The following TLN2 variants were observed in gnomAD, a reference collection of about 807,000 sequenced individuals.
The protein encoded by TLN2 is talin 2.
Under a neutral mutation model 294.7 loss-of-function variants are expected in TLN2, and 118 were observed. The observed-to-expected ratio is 0.40, with a 90% CI of 0.34 to 0.47. TLN2 has a LOEUF of 0.47. TLN2 is among the 20% of genes least tolerant of loss of function. The pLI is 0.84. For missense variants in TLN2, 3,083 were observed against 3,282.2 expected, an observed-to-expected ratio of 0.94 and a Z score of 1.48; for synonymous variants, 1,431 against 1,304.5, an observed-to-expected ratio of 1.10 and a Z score of -2.09.
intron 1 of TLN2, among the ~76,000 whole-genome samples, chr15:62,520,435 A>G (rs1378392234): frequency 6.6e-6 from 1 of 152,246 alleles, no homozygotes; most frequent in African/African-American, 2.4e-5. Context: ...AGTAATGTCT[A>G]CATGTGTGTA....
intron 3 of TLN2, among the ~76,000 whole-genome samples, chr15:62,634,534 T>C (rs1290859086): frequency 6.6e-6 from 1 of 152,258 alleles, no homozygotes; most frequent in Non-Finnish European, 1.5e-5. Flanking sequence ...TCATCTCTCA[T>C]GGGGACATGT....
At chr15:62,471,691 A>G (rs934837796) in intron 1 of TLN2, among the ~76,000 whole-genome samples, 6 of 152,116 alleles carry the variant, frequency 3.9e-5, no homozygotes, top group Admixed American at 2.0e-4. Flanking sequence ...GAGTCATGCT[A>G]TGGAGGATCT....
chr15:62,465,696 G>A (rs935354390), intron 1 of TLN2, among the ~76,000 whole-genome samples: 2 of 152,214 alleles, frequency 1.3e-5, no homozygotes, highest in African/African-American at 4.8e-5. Context: ...AGATGGGGTA[G>A]TGAGCTGATT....
At chr15:62,749,616 C>T (rs2061808144) in intron 33 of TLN2, among the ~76,000 whole-genome samples, 1 of 152,170 alleles carries the variant, frequency 6.6e-6, no homozygotes, top group Non-Finnish European at 1.5e-5. Flanking sequence ...TCTCCCAGCC[C>T]CCCACCAGCC....
At chr15:62,788,306 C>T (rs1323486132) in intron 45 of TLN2, among the ~76,000 whole-genome samples, 1 of 151,942 alleles carries the variant, frequency 6.6e-6, no homozygotes, top group Non-Finnish European at 1.5e-5. Context: ...AGCGAAACTC[C>T]ATCTCAAAAA....
intron 18 of TLN2, 47 bp downstream of exon 18, chr15:62,702,247 G>A: frequency 1.3e-6 from 2 of 1,526,156 alleles, no homozygotes; most frequent in Non-Finnish European, 1.8e-6. Flanking sequence ...TGGGACAGCT[G>A]CATCCACTGG....
chr15:62,460,582 C>T (rs981981461), intron 1 of TLN2, among the ~76,000 whole-genome samples: 4 of 152,106 alleles, frequency 2.6e-5, no homozygotes, highest in Non-Finnish European at 4.4e-5. Context: ...TGGTCTTGTA[C>T]GAAGAGGCAG....
At chr15:62,713,758 G>T (rs970306973) in intron 22 of TLN2, among the ~76,000 whole-genome samples, 11 of 152,042 alleles carry the variant, frequency 7.2e-5, no homozygotes, top group African/African-American at 2.7e-4. Context: ...GTTACTTGAG[G>T]GACTGAGAGT....
intron 1 of TLN2, among the ~76,000 whole-genome samples, chr15:62,568,702 G>A (rs75749004): frequency 0.014 from 2,090 of 152,250 alleles, 45 homozygotes; most frequent in African/African-American, 0.047. Context: ...CTGCCCCTGA[G>A]CTTGTCCTTT....
chr15:62,696,138 C>G (rs968864195), intron 14 of TLN2, among the ~76,000 whole-genome samples: 3 of 152,206 alleles, frequency 2.0e-5, no homozygotes, highest in African/African-American at 7.2e-5. Flanking sequence ...CCCTAGACTG[C>G]AGTGTTTCTC....
chr15:62,500,932 G>A (rs1051429266), intron 1 of TLN2, among the ~76,000 whole-genome samples: 3 of 152,214 alleles, frequency 2.0e-5, no homozygotes, highest in African/African-American at 7.2e-5. Flanking sequence ...AGTCCCTGCA[G>A]CAACACAGTT....
chr15:62,719,051 C>T (rs1023793191), intron 24 of TLN2, among the ~76,000 whole-genome samples: 2 of 152,198 alleles, frequency 1.3e-5, no homozygotes, highest in African/African-American at 2.4e-5. Flanking sequence ...TTATCCACAA[C>T]GATGGCCACA....
At chr15:62,691,006 AAG>A (rs1420775654) in intron 12 of TLN2, among the ~76,000 whole-genome samples, 2 of 118,320 alleles carry the variant, frequency 1.7e-5, no homozygotes, top group Non-Finnish European at 3.4e-5. Flanking sequence ...AGACCGTGGA[AAG>A]AGAGGGGGAG....
At chr15:62,796,671 C>T (rs1020933850) in intron 47 of TLN2, among the ~76,000 whole-genome samples, 20 of 152,176 alleles carry the variant, frequency 1.3e-4, no homozygotes, top group African/African-American at 4.8e-4. Flanking sequence ...CTCAAAGCCC[C>T]TATCTCTGCT....
At chr15:62,577,518 G>C (rs1183469818) in intron 1 of TLN2, among the ~76,000 whole-genome samples, 1 of 152,146 alleles carries the variant, frequency 6.6e-6, no homozygotes, top group East Asian at 1.9e-4. Context: ...TCTTATATTT[G>C]AATCTGATAT....
At position 62,838,861 on chromosome 15, in the gene TLN2, A is replaced by C; in HGVS notation, c.7380A>C (p.Ala2460=). The C allele has an allele frequency of 6.2e-7, 1 of 1,609,350 alleles. No individual in the cohort carries two copies. The highest frequency in any genetic ancestry group is 8.5e-7 in the Non-Finnish European group (1 of 1,179,876). The change falls in exon 58 of 59, where the codon GCA becomes GCC. Residue 2460 remains alanine, a synonymous_variant. Coordinates refer to ENST00000636159, the MANE Select transcript of TLN2 (RefSeq NM_015059.3). ...DSEAMRRLQA[A]GNAVKRASDN... The stretch of plus-strand genomic sequence containing the variant: ...ATGTTTTGTTCACTCTCCAGGCGGC[A>C]GGAAATGCTGTGAAAAGAGCCTCAG...
intron 52 of TLN2, among the ~76,000 whole-genome samples, chr15:62,818,237 A>T (rs985733615): frequency 1.3e-5 from 2 of 152,234 alleles, no homozygotes; most frequent in Non-Finnish European, 2.9e-5. Flanking sequence ...TCCAAAGCTG[A>T]TGCTTTGTCC....
intron 24 of TLN2, among the ~76,000 whole-genome samples, chr15:62,718,182 G>T (rs923014497): frequency 6.6e-6 from 1 of 152,118 alleles, no homozygotes; most frequent in African/African-American, 2.4e-5. Flanking sequence ...CTGACACCTG[G>T]GCCTTGATGC....
At position 62,702,107 on chromosome 15, in the gene TLN2, G is replaced by C. The variant is rs1233130790; in HGVS notation, c.1812G>C (p.Glu604Asp). The change falls in exon 18 of 59, where the codon GAG becomes GAC. Residue 604 changes from glutamate (E) to aspartate (D), a missense_variant. Transcript: ENST00000636159. Reference protein sequence around the residue: ...VKLLAALMDDEVGSGEDLLRA... With the variant: ...VKLLAALMDDDVGSGEDLLRA... ...TATTGGCCGCCCTCATGGATGATGA[G>C]GTGGGCAGCGGGGAGGACTTGCTCA... 5.0e-6 allele frequency: 8 copies of C among 1,614,078 alleles called. No homozygotes were observed. Among genetic ancestry groups the C allele is most frequent in the Non-Finnish European group, 6.8e-6 (8 of 1,180,048 alleles).
Sources: gnomAD v4.1 joint callset for allele counts (sites outside exome capture counted in the v4.1 genomes callset) on GRCh38, gnomAD v4.1.1 for gene constraint, MANE v1.5 for transcripts, NCBI Gene and HGNC (gene_info 2026-07-23, HGNC 2026-07-21) for gene names.